Variants in GALNT13 observed in about 807,000 individuals in gnomAD.
GALNT13 encodes UDP-GalNAc:polypeptide N-acetylgalactosaminyltransferase 13.
Under a neutral mutation model 64.2 loss-of-function variants are expected in GALNT13, and 28 were observed. That is an observed-to-expected ratio of 0.44 (90% CI 0.32 to 0.60). The LOEUF (loss-of-function observed/expected upper bound fraction) is 0.60. GALNT13 is among the 20% of genes least tolerant of loss of function. The pLI, the probability that GALNT13 is intolerant of heterozygous loss-of-function variation, is 0.05. For synonymous variants in GALNT13, 214 were observed against 224.6 expected, an observed-to-expected ratio of 0.95 and a Z score of 0.42; for missense variants, 577 against 669.8, an observed-to-expected ratio of 0.86 and a Z score of 1.53.
At chr2:153,255,911 A>G in the GALNT13 span, among the ~76,000 whole-genome samples, 1 of 151,814 alleles carries the variant, frequency 6.6e-6, no homozygotes, top group African/African-American at 2.4e-5. Context: ...TTTTTCCTTC[A>G]TTTCAACTTT....
At chr2:153,691,377 A>G in the GALNT13 span, among the ~76,000 whole-genome samples, 12 of 152,268 alleles carry the variant, frequency 7.9e-5, no homozygotes, top group East Asian at 1.5e-3. Flanking sequence ...TACTATTTAC[A>G]TGGTCATATT....
At chr2:154,183,484 G>A (rs1197208579) in intron 4 of GALNT13, among the ~76,000 whole-genome samples, 1 of 152,256 alleles carries the variant, frequency 6.6e-6, no homozygotes, top group East Asian at 1.9e-4. Flanking sequence ...GGCTGAGGCG[G>A]TTGATTGCTT....
upstream of GALNT13, among the ~76,000 whole-genome samples, chr2:153,870,345 T>C (rs1389010938): frequency 6.6e-6 from 1 of 152,070 alleles, no homozygotes; most frequent in East Asian, 1.9e-4. Flanking sequence ...ATGAAACATG[T>C]AAGAATGGGG....
intron 3 of GALNT13, among the ~76,000 whole-genome samples, chr2:154,051,515 C>A (rs1380075187): frequency 6.6e-6 from 1 of 151,750 alleles, no homozygotes; most frequent in South Asian, 2.1e-4. Flanking sequence ...TGGTCTCGAT[C>A]TCCTGACCTC....
chr2:154,155,737 A>G (rs1266785991), intron 4 of GALNT13, among the ~76,000 whole-genome samples: 1 of 151,928 alleles, frequency 6.6e-6, no homozygotes, highest in East Asian at 1.9e-4. Flanking sequence ...CTGTATGGTA[A>G]TTGCTGTTTA....
At chr2:154,071,061 C>A (rs1700716819) in intron 3 of GALNT13, among the ~76,000 whole-genome samples, 1 of 152,096 alleles carries the variant, frequency 6.6e-6, no homozygotes, top group Non-Finnish European at 1.5e-5. Context: ...GTTGTCTTTT[C>A]TAAAACTCCT....
At chr2:153,780,998 G>T in the GALNT13 span, among the ~76,000 whole-genome samples, 3 of 152,260 alleles carry the variant, frequency 2.0e-5, no homozygotes, top group East Asian at 3.9e-4. Flanking sequence ...ATGACCATGT[G>T]CCTGTTTCTA....
the GALNT13 span, among the ~76,000 whole-genome samples, chr2:153,252,631 C>A: frequency 1.3e-5 from 2 of 152,142 alleles, no homozygotes; most frequent in African/African-American, 4.8e-5. Context: ...TTTAATCCAT[C>A]TTGAATTAAT....
At chr2:154,300,117 T>TTA (rs368999161) in intron 8 of GALNT13, among the ~76,000 whole-genome samples, 2 of 148,206 alleles carry the variant, frequency 1.3e-5, no homozygotes, top group African/African-American at 5.0e-5. Flanking sequence ...TTTTTTTTTT[T>TTA]GAGATAGAGT....
the GALNT13 span, among the ~76,000 whole-genome samples, chr2:153,096,703 A>T: frequency 6.6e-6 from 1 of 151,916 alleles, no homozygotes; most frequent in Non-Finnish European, 1.5e-5. Context: ...TTTGGCTTTC[A>T]CTGGCATGAA....
the GALNT13 span, among the ~76,000 whole-genome samples, chr2:153,704,248 TA>T: frequency 2.6e-5 from 4 of 152,154 alleles, no homozygotes; most frequent in Non-Finnish European, 5.9e-5. Flanking sequence ...TTGGTCCAAT[TA>T]CAAAAATGTA....
the GALNT13 span, among the ~76,000 whole-genome samples, chr2:153,252,787 T>C: frequency 1.3e-5 from 2 of 152,222 alleles, no homozygotes; most frequent in East Asian, 3.8e-4. Flanking sequence ...GTTGTAGATA[T>C]GTGGCATTAT....
chr2:153,375,205 T>C, the GALNT13 span, among the ~76,000 whole-genome samples: 2 of 152,210 alleles, frequency 1.3e-5, no homozygotes, highest in Admixed American at 6.6e-5. Flanking sequence ...TGGATTTTCT[T>C]GTGATTTTAG....
the GALNT13 span, among the ~76,000 whole-genome samples, chr2:153,181,030 C>CTT: frequency 5.1e-3 from 164 of 32,064 alleles, 10 homozygotes; most frequent in Non-Finnish European, 5.6e-3. Context: ...TTTATTGTTT[C>CTT]TTTTTTTTTT....
chr2:153,990,085 C>T (rs1695062281), intron 3 of GALNT13, among the ~76,000 whole-genome samples: 1 of 151,934 alleles, frequency 6.6e-6, no homozygotes, highest in East Asian at 1.9e-4. Flanking sequence ...AAAAATAGTT[C>T]TATATAGTAT....
the GALNT13 span, among the ~76,000 whole-genome samples, chr2:153,080,961 C>T: frequency 6.6e-6 from 1 of 151,436 alleles, no homozygotes; most frequent in Non-Finnish European, 1.5e-5. Context: ...TTGCATTTTC[C>T]TTGTATTCAC....
At chr2:153,324,991 C>G in the GALNT13 span, among the ~76,000 whole-genome samples, 3 of 151,792 alleles carry the variant, frequency 2.0e-5, no homozygotes, top group Non-Finnish European at 4.4e-5. Context: ...TGATGCTGCT[C>G]TCATACAATG....
the GALNT13 span, among the ~76,000 whole-genome samples, chr2:153,503,770 C>A: frequency 2.0e-5 from 3 of 152,144 alleles, no homozygotes; most frequent in Non-Finnish European, 4.4e-5. Context: ...AAGTACCATG[C>A]TGTTTTGGCA....
At chr2:154,004,021 A>T (rs1696087906) in intron 3 of GALNT13, among the ~76,000 whole-genome samples, 2 of 152,162 alleles carry the variant, frequency 1.3e-5, no homozygotes, top group African/African-American at 2.4e-5. Flanking sequence ...AAACAGACTA[A>T]TACATACCTT....
Sources: allele counts gnomAD v4.1 joint callset (sites outside exome capture counted in the v4.1 genomes callset), GRCh38; gene constraint gnomAD v4.1.1; transcripts MANE v1.5; gene names NCBI Gene and HGNC (gene_info 2026-07-23, HGNC 2026-07-21).